The following SYCP3 variants were observed in gnomAD, a reference collection of about 807,000 sequenced individuals.
SYCP3 encodes the protein synaptonemal complex protein 3.
A neutral mutation model predicts 38.5 loss-of-function variants in SYCP3; 29 were observed. The observed-to-expected ratio is 0.75, with a 90% confidence interval of 0.56 to 1.03. The LOEUF (loss-of-function observed/expected upper bound fraction) is 1.03. Ranked by LOEUF, SYCP3 falls within the 50% of genes least tolerant of loss-of-function variation. The pLI is 0.00. For synonymous variants in SYCP3, 79 were observed against 80.3 expected (o/e 0.98, Z 0.08); for missense variants, 242 against 270.7 (o/e 0.89, Z 0.74).
chr12:101,733,511 A>G, intron 6 of SYCP3, 64 bp downstream of exon 6: 1 of 1,433,630 alleles, frequency 7.0e-7, no homozygotes, highest in Non-Finnish European at 9.8e-7. Context: ...GGTCACAATA[A>G]AAGGCTAGGT....
At position 101,737,236 on chromosome 12, in the gene SYCP3, T is replaced by G. The variant is rs1379799112; in HGVS notation, c.196A>C (p.Met66Leu). 3 of 1,612,940 alleles carry G rather than the reference T, an allele frequency of 1.9e-6. No homozygotes were observed. The highest frequency in any genetic ancestry group is 2.5e-6 in the Non-Finnish European group (3 of 1,179,706). ...KRSSAGVVED[M>L]GGEVQNMLEG... is the part of the protein sequence containing the mutation. Reference sequence around the variant, plus strand: ...AAATTATTTTGAACACGTTACCCCATATCTTCAACTACTCCTGCAGAAGAC... The same window carrying G: ...AAATTATTTTGAACACGTTACCCCAGATCTTCAACTACTCCTGCAGAAGAC... Residue 66 changes from methionine (M) to leucine (L), a missense_variant, in exon 3 of 9, where the codon ATG becomes CTG. Transcript: ENST00000392924.
intron 4 of SYCP3, among the ~76,000 whole-genome samples, chr12:101,736,482 TG>T (rs1952450096): frequency 6.6e-6 from 1 of 152,150 alleles, no homozygotes; most frequent in Admixed American, 6.5e-5. Context: ...CTCATATTAT[TG>T]ATACTTAATA....
chr12:101,733,695 T>G, intron 5 of SYCP3, 21 bp from the exon 6 acceptor site: 1 of 1,590,466 alleles, frequency 6.3e-7, no homozygotes, highest in South Asian at 1.1e-5. Flanking sequence ...TAATGATGAA[T>G]TATTGTCATA....
At chr12:101,732,042 T>C (rs1051479920) in intron 6 of SYCP3, 1 of 205,200 alleles carries the variant, frequency 4.9e-6, no homozygotes, top group African/African-American at 2.4e-5. Flanking sequence ...ATTTTGTCAT[T>C]ACTAATAATT....
rs1952623296 is a variant in SYCP3 at position 101,739,436 on chromosome 12, A to T, written c.-103T>A. ...CTCCTCCACAAGCGCGCTTCACCTGAGGTGGCCCCTTCTCCGCGACGCTTC... is the reference window on the plus strand; with the variant it reads ...CTCCTCCACAAGCGCGCTTCACCTGTGGTGGCCCCTTCTCCGCGACGCTTC... On this transcript the variant is annotated 5_prime_UTR_variant, in exon 1 of 9. Transcript: ENST00000392924. 8.0e-6 allele frequency: 8 copies of T among 1,002,490 alleles called. No homozygotes were observed. The highest frequency in any genetic ancestry group is 8.4e-6 in the Non-Finnish European group (7 of 830,316). 62.1% of individuals were successfully genotyped at this position (1,002,490 alleles called of 1,614,324 possible). A position where few individuals can be genotyped will look rare whatever the true frequency, so the allele number is the denominator to read the frequency against.
rs1449866219 is a variant in SYCP3 at position 101,737,026 on chromosome 12, C to T, written c.235+11G>A. On this transcript the variant is annotated intron_variant, in intron 4 of 8. Coordinates refer to ENST00000392924, the MANE Select transcript of SYCP3 (RefSeq NM_001177949.2). ...AATTTTCTTTAAATACAAGTATCTC[C>T]TAAAACCTACCTCCAACTCCTTCCA... 6.2e-7 allele frequency: 1 copy of T among 1,613,562 alleles called. No homozygotes were observed. Among genetic ancestry groups the T allele is most frequent in the Non-Finnish European group, 8.5e-7 (1 of 1,179,710 alleles).
intron 1 of SYCP3, 31 bp from the exon 2 acceptor site, chr12:101,737,983 A>T: frequency 6.2e-7 from 1 of 1,612,088 alleles, no homozygotes; most frequent in Non-Finnish European, 8.5e-7. Flanking sequence ...TAACCTTCTG[A>T]ATGCAAAGAC....
At position 101,728,845 on chromosome 12, in the gene SYCP3, C is replaced by T. The variant is rs1594156170; in HGVS notation, c.*82G>A. 2 of 1,585,124 alleles carry T rather than the reference C, an allele frequency of 1.3e-6. No individual in the cohort carries two copies. Among genetic ancestry groups the T allele is most frequent in the African/African-American group, 2.7e-5 (2 of 74,346 alleles). ...TTAAAGATGTTACAATTAAACTATT[C>T]TAAAGACTTACAATATGCTTCTTAG... On this transcript the variant is annotated 3_prime_UTR_variant, in exon 9 of 9. Transcript: ENST00000392924.
chr12:101,739,414 C>T lies in SYCP3; in HGVS notation c.-81G>A, dbSNP rs1236059946. 4.0e-6 allele frequency: 4 copies of T among 1,002,690 alleles called. No homozygotes were observed. Among genetic ancestry groups the T allele is most frequent in the African/African-American group, 1.7e-5 (1 of 57,340 alleles). 62.1% of individuals were successfully genotyped at this position (1,002,690 alleles called of 1,614,324 possible). ...CGTCGACAGGCGTCCTCCACAACTC[C>T]TCCACAAGCGCGCTTCACCTGAGGT... On this transcript the variant is annotated 5_prime_UTR_variant, in exon 1 of 9. Coordinates refer to ENST00000392924, the MANE Select transcript of SYCP3 (RefSeq NM_001177949.2).
At chr12:101,733,743 A>T in intron 5 of SYCP3, 69 bp from the exon 6 acceptor site, 1 of 1,377,018 alleles carries the variant, frequency 7.3e-7, no homozygotes, top group Non-Finnish European at 1.0e-6. Flanking sequence ...AACAAAACTG[A>T]GTTGACACAG....
chr12:101,734,561 T>G (rs1245004225), intron 5 of SYCP3, among the ~76,000 whole-genome samples: 1 of 152,182 alleles, frequency 6.6e-6, no homozygotes, highest in African/African-American at 2.4e-5. Flanking sequence ...GCCAAATACA[T>G]TTTCACTAGA....
rs1333301972 is a variant in SYCP3 at position 101,735,869 on chromosome 12, A to ATTTT, written c.236-826_236-825insAAAA. ...ATCAATTTTATATATATATATATAT[A>ATTTT]TATTTTTTTTTTTTTAAAGACACGG... On this transcript the variant is annotated intron_variant, in intron 4 of 8. Transcript: ENST00000392924. Among the ~76,000 whole-genome samples, 16 of 60,112 alleles carry ATTTT rather than the reference A, an allele frequency of 2.7e-4. 1 individual carries two copies. The highest frequency in any genetic ancestry group is 1.2e-3 in the African/African-American group (16 of 12,824). 39.4% of individuals were successfully genotyped at this position (60,112 alleles called of 152,430 possible).
At chr12:101,732,668 CTT>C (rs549684402) in intron 6 of SYCP3, 20 of 136,212 alleles carry the variant, frequency 1.5e-4, no homozygotes, top group Admixed American at 1.5e-4. Flanking sequence ...TTTCTTTTTT[CTT>C]TTTTTTTTTT....
intron 5 of SYCP3, among the ~76,000 whole-genome samples, chr12:101,734,352 G>C (rs1202846059): frequency 6.6e-6 from 1 of 152,124 alleles, no homozygotes; most frequent in Non-Finnish European, 1.5e-5. Context: ...TTGAGCCTAG[G>C]AGTTCAAGAC....
chr12:101,732,472 C>A (rs1389280932), intron 6 of SYCP3: 1 of 152,120 alleles, frequency 6.6e-6, no homozygotes, highest in Non-Finnish European at 1.5e-5. Flanking sequence ...TTCCAGGACA[C>A]CCAACCCCTC....
intron 7 of SYCP3, 21 bp downstream of exon 7, chr12:101,731,547 G>C (rs749412161): frequency 1.4e-6 from 2 of 1,477,834 alleles, no homozygotes; most frequent in Non-Finnish European, 1.9e-6. Context: ...ACGATGTATT[G>C]TGTTACCACA....
intron 1 of SYCP3, among the ~76,000 whole-genome samples, 179 bp from the exon 2 acceptor site, chr12:101,738,131 T>C (rs1952532866): frequency 6.6e-6 from 1 of 151,000 alleles, no homozygotes; most frequent in Non-Finnish European, 1.5e-5. Flanking sequence ...TAAAAAATAA[T>C]AAAATAAATA....
At chr12:101,733,744 G>C (rs1057208133) in intron 5 of SYCP3, 70 bp from the exon 6 acceptor site, 5 of 1,396,748 alleles carry the variant, frequency 3.6e-6, no homozygotes, top group Admixed American at 3.7e-5. Flanking sequence ...ACAAAACTGA[G>C]TTGACACAGT....
At chr12:101,732,438 C>T (rs1952225769) in intron 6 of SYCP3, 1 of 152,172 alleles carries the variant, frequency 6.6e-6, no homozygotes, top group Admixed American at 6.5e-5. Context: ...CTACAGACAT[C>T]CTTAGGTATC....
Sources: allele counts gnomAD v4.1 joint callset (sites outside exome capture counted in the v4.1 genomes callset), GRCh38; gene constraint gnomAD v4.1.1; transcripts MANE v1.5; gene names NCBI Gene and HGNC (gene_info 2026-07-23, HGNC 2026-07-21).